Variants in CPSF4L observed in about 807,000 individuals in gnomAD.
CPSF4L encodes cleavage and polyadenylation specific factor 4 like.
In CPSF4L, 18 loss-of-function variants were observed where a neutral mutation model predicts 24.0. The observed-to-expected ratio is 0.75, with a 90% CI of 0.52 to 1.11. The LOEUF is 1.11. Ranked by LOEUF, CPSF4L falls within the 50% of genes least tolerant of loss-of-function variation. CPSF4L has a pLI of 0.00. For synonymous variants in CPSF4L, 72 were observed against 77.2 expected (o/e 0.93, Z 0.35); for missense variants, 211 against 221.8 (o/e 0.95, Z 0.31).
chr17:73,258,214 G>A (rs1348515681), intron 2 of CPSF4L, among the ~76,000 whole-genome samples: 1 of 152,112 alleles, frequency 6.6e-6, no homozygotes, highest in Non-Finnish European at 1.5e-5. Flanking sequence ...GTTTCACCGT[G>A]TTAGCCAGGA....
chr17:73,249,865 C>T (rs1446704775), intron 5 of CPSF4L: 3 of 171,352 alleles, frequency 1.8e-5, no homozygotes. Flanking sequence ...TAAAGAAAGC[C>T]ATTTGAGTTA....
downstream of CPSF4L, among the ~76,000 whole-genome samples, chr17:73,243,948 A>C (rs890691712): frequency 6.6e-6 from 1 of 152,186 alleles, no homozygotes; most frequent in Non-Finnish European, 1.5e-5. Context: ...CATTGAAACC[A>C]AACACCTTTA....
intron 4 of CPSF4L, among the ~76,000 whole-genome samples, chr17:73,252,990 T>C (rs1374307881): frequency 1.0e-4 from 2 of 19,752 alleles, no homozygotes; most frequent in Admixed American, 7.1e-4. Context: ...TGACATGCTG[T>C]GTCCTGGAGG....
At chr17:73,242,401 G>C in the CPSF4L span, 3 of 1,310,790 alleles carry the variant, frequency 2.3e-6, no homozygotes, top group African/African-American at 4.5e-5. Context: ...CTGGGCATTT[G>C]GAAAAGTTTC....
At chr17:73,255,577 T>C (rs2062022085) in intron 3 of CPSF4L, among the ~76,000 whole-genome samples, 1 of 151,286 alleles carries the variant, frequency 6.6e-6, no homozygotes, top group African/African-American at 2.4e-5. Context: ...CACCATTCTT[T>C]CCCAGCCCTC....
At chr17:73,247,399 G>T (rs557627121), downstream of CPSF4L, 7 of 1,571,164 alleles carry the variant, frequency 4.5e-6, no homozygotes, top group East Asian at 1.6e-4. Flanking sequence ...TTCGTGCCCT[G>T]TGTTGCCCAC....
the CPSF4L span, chr17:73,242,410 T>C: frequency 8.3e-7 from 1 of 1,202,136 alleles, no homozygotes; most frequent in Non-Finnish European, 1.2e-6. Context: ...TGGAAAAGTT[T>C]CTCTTCGGGC....
chr17:73,257,602 C>T lies in CPSF4L; in HGVS notation c.307+79G>A, dbSNP rs927276152. 3 of 1,457,828 alleles carry T rather than the reference C, an allele frequency of 2.1e-6. No individual in the cohort carries two copies. In the African/African-American group the frequency reaches 4.2e-5, roughly 21 times the overall value. 90.3% of individuals were successfully genotyped at this position (1,457,828 alleles called of 1,614,324 possible). A position where few individuals can be genotyped will look rare whatever the true frequency, so the allele number is the denominator to read the frequency against. ...ATGTCCAGCCTCCTCTGCGTGCCCG[C>T]TCCTCTAGAAACCTTCCCATCTCAC... On this transcript the variant is annotated intron_variant, in intron 3 of 5. Transcript: ENST00000344935.
At chr17:73,260,466 G>A (rs907886806) in intron 2 of CPSF4L, among the ~76,000 whole-genome samples, 1 of 152,096 alleles carries the variant, frequency 6.6e-6, no homozygotes, top group Non-Finnish European at 1.5e-5. Context: ...CTACCTGTAA[G>A]TCTAAAATTC....
intron 4 of CPSF4L, 136 bp downstream of exon 4, chr17:73,253,792 TGGA>T (rs970528361): frequency 1.7e-5 from 10 of 585,700 alleles, no homozygotes; most frequent in South Asian, 1.1e-4. Flanking sequence ...ACAGCAGAGC[TGGA>T]GGAGAACTAC....
At chr17:73,245,341 A>T, downstream of CPSF4L, 1 of 1,384,196 alleles carries the variant, frequency 7.2e-7, no homozygotes, top group Non-Finnish European at 9.4e-7. Flanking sequence ...TTGGAATCTA[A>T]AATAATGATA....
rs1020275430 is a variant in CPSF4L, at chr17:73,250,347, G to C, written c.498-1811C>G. 2.6e-6 allele frequency: 4 copies of C among 1,548,912 alleles called. No individual in the cohort carries two copies. In the East Asian group the frequency reaches 9.8e-5, roughly 38 times the overall value. On this transcript the variant is annotated intron_variant, in intron 5 of 5. Transcript: ENST00000344935. Reference sequence around the variant, plus strand: ...AATGGCATGACTTTTTGTAAATTCAGATTTCTAAAGATGTCTAGGGAACCA... The same window carrying C: ...AATGGCATGACTTTTTGTAAATTCACATTTCTAAAGATGTCTAGGGAACCA...
chr17:73,260,489 G>A lies in CPSF4L; in HGVS notation c.154+444C>T, dbSNP rs144414040. Among the ~76,000 whole-genome samples the A allele has an allele frequency of 5.6e-4, 86 of 152,264 alleles. 2 individuals are homozygous for A. The East Asian group carries it at 0.015, about 27-fold the overall frequency. On this transcript the variant is annotated intron_variant, in intron 2 of 5. Coordinates refer to ENST00000344935, the MANE Select transcript of CPSF4L (RefSeq NM_001129885.1). ...AAGTCTAAAATTCTGCTCCATGGCC[G>A]GGCATGGTGGCTCACGCCTGTAATC...
At chr17:73,257,866 C>G (rs1200693496) in intron 2 of CPSF4L, 33 bp from the exon 3 acceptor site, 2 of 1,549,140 alleles carry the variant, frequency 1.3e-6, no homozygotes, top group East Asian at 2.4e-5. Context: ...CTGGGAGGCC[C>G]CTCATCCACA....
chr17:73,254,771 G>A (rs2062018061), intron 3 of CPSF4L, among the ~76,000 whole-genome samples: 1 of 152,180 alleles, frequency 6.6e-6, no homozygotes, highest in Admixed American at 6.5e-5. Flanking sequence ...AACCTCCCAA[G>A]TAGCTGGGAT....
chr17:73,245,212 A>G (rs200860806), downstream of CPSF4L: 12 of 1,613,472 alleles, frequency 7.4e-6, no homozygotes, highest in African/African-American at 1.6e-4. Context: ...ACATCACTTA[A>G]AGCTCTGGAA....
chr17:73,252,704 G>A lies in CPSF4L; in HGVS notation c.423C>T (p.Arg141=). 1.3e-6 allele frequency: 2 copies of A among 1,551,024 alleles called. No individual in the cohort carries two copies. The highest frequency in any genetic ancestry group is 1.7e-6 in the Non-Finnish European group (2 of 1,146,584). The stretch of plus-strand genomic sequence containing the variant: ...TGAGACACATTATTCTGGGGACATG[G>A]CGGTATTTACACAGAGGACCTGCTG... The part of the protein sequence containing the change: ...FCKDGPLCKY[R]HVPRIMCLNY... Residue 141 remains arginine, a synonymous_variant, in exon 5 of 6, where the codon CGC becomes CGT. Coordinates refer to ENST00000344935, the MANE Select transcript of CPSF4L (RefSeq NM_001129885.1).
At chr17:73,242,242 A>ACAGAAC in the CPSF4L span, 4 of 1,568,568 alleles carry the variant, frequency 2.6e-6, no homozygotes, top group Non-Finnish European at 3.5e-6. Context: ...TTGGAACCAT[A>ACAGAAC]GTTTCTTTGT....
At position 73,253,937 on chromosome 17, in the gene CPSF4L, T is replaced by C. The variant is rs749887952; in HGVS notation, c.397A>G (p.Lys133Glu). The change falls in exon 4 of 6, where the codon AAG (lysine) becomes GAG (glutamate). Residue 133 changes from lysine to glutamate, a missense_variant. Transcript: ENST00000344935. ...CTGGCTTCCAAGGCCTCACCGTCCT[T>C]GCAGAAACCTTGGTCATACCAAGGA... The part of the protein sequence containing the change: ...DCPWYDQGFC[K>E]DGPLCKYRHV... 3.9e-6 allele frequency: 6 copies of C among 1,551,102 alleles called. No homozygotes were observed. Among genetic ancestry groups the C allele is most frequent in the East Asian group, 4.9e-5 (2 of 40,918 alleles).
Sources: gnomAD v4.1 joint callset for allele counts (sites outside exome capture counted in the v4.1 genomes callset) on GRCh38, gnomAD v4.1.1 for gene constraint, MANE v1.5 for transcripts, NCBI Gene and HGNC (gene_info 2026-07-23, HGNC 2026-07-21) for gene names.